COQ2: variants seen among roughly 807,000 people sequenced by gnomAD.
COQ2 encodes coenzyme Q2, polyprenyltransferase.
A neutral mutation model predicts 35.7 loss-of-function variants in COQ2; 25 were observed. The ratio of observed to expected loss-of-function variants is 0.70; its 90% confidence interval spans 0.51 to 0.98. The LOEUF (loss-of-function observed/expected upper bound fraction) is 0.98, where lower values mean the gene tolerates loss of function less well. Ranked by LOEUF, COQ2 falls within the 50% of genes least tolerant of loss-of-function variation. COQ2 has a pLI of 0.00. For missense variants in COQ2, 488 were observed against 473.5 expected, an observed-to-expected ratio of 1.03 and a Z score of -0.28; for synonymous variants, 206 against 186.2, an observed-to-expected ratio of 1.11 and a Z score of -0.86.
chr4:83,283,831 G>A, intron 1 of COQ2: 2 of 985,484 alleles, frequency 2.0e-6, no homozygotes, highest in Non-Finnish European at 2.4e-6. Context: ...GCGATAGAAA[G>A]TGAGGTTGGT....
chr4:83,283,231 G>C (rs906749124), intron 1 of COQ2: 1 of 980,248 alleles, frequency 1.0e-6, no homozygotes, highest in African/African-American at 1.8e-5. Flanking sequence ...GTCTTGTACG[G>C]GCAAAAGTGG....
intron 4 of COQ2, among the ~76,000 whole-genome samples, chr4:83,271,481 A>AT (rs1560493188): frequency 6.6e-6 from 1 of 151,996 alleles, no homozygotes; most frequent in South Asian, 2.1e-4. Context: ...TAGATCAAAC[A>AT]TTTTTTCATG....
intron 3 of COQ2, 24 bp downstream of exon 3, chr4:83,273,472 T>C (rs377272057): frequency 3.8e-4 from 599 of 1,595,302 alleles, no homozygotes; most frequent in Non-Finnish European, 4.6e-4. Flanking sequence ...ATTTTATACA[T>C]GATGTGGAAA....
chr4:83,270,017 G>A (rs778664698), intron 4 of COQ2, 24 bp from the exon 5 acceptor site: 1 of 1,612,510 alleles, frequency 6.2e-7, no homozygotes, highest in Non-Finnish European at 8.5e-7. Context: ...AACACAAAAA[G>A]GGGGAAAGTC....
intron 3 of COQ2, among the ~76,000 whole-genome samples, chr4:83,272,690 A>G (rs1289419623): frequency 6.6e-6 from 1 of 152,200 alleles, no homozygotes; most frequent in East Asian, 1.9e-4. Flanking sequence ...CTGTTTGCAA[A>G]CATTAAGGCA....
At chr4:83,273,660 C>A in intron 2 of COQ2, 43 bp from the exon 3 acceptor site, 1 of 1,586,298 alleles carries the variant, frequency 6.3e-7, no homozygotes, top group South Asian at 1.2e-5. Context: ...TGTAATGACT[C>A]AATCATTTAT....
intron 3 of COQ2, among the ~76,000 whole-genome samples, chr4:83,273,268 C>G (rs1172976733): frequency 1.3e-5 from 2 of 152,192 alleles, no homozygotes; most frequent in Non-Finnish European, 2.9e-5. Context: ...AGTACAAATA[C>G]TGAAGGTGGT....
At chr4:83,278,652 T>A (rs1284329911) in intron 2 of COQ2, among the ~76,000 whole-genome samples, 1 of 152,240 alleles carries the variant, frequency 6.6e-6, no homozygotes, top group Non-Finnish European at 1.5e-5. Context: ...AGGATGGATT[T>A]TTCACTTTCA....
rs11448409 is a variant in COQ2 at position 83,267,859 on chromosome 4, G to GT, written c.763-86dup. On this transcript the variant is annotated intron_variant, in intron 5 of 6. Transcript: ENST00000647002. ...CACATTTTGAAGTATCAGATTTAGT[G>GT]TTTTTTTGTATATTCACAAGGTTGT... is the stretch of plus-strand genomic sequence containing the variant. 0.72 allele frequency: 799,650 copies of GT among 1,111,540 alleles called. 291,101 individuals are homozygous for GT. The highest frequency in any genetic ancestry group is 0.85 in the East Asian group (31,261 of 36,958). The allele number at this position is 1,111,540 out of a possible 1,614,324, so 68.9% of individuals were successfully genotyped here. A position where few individuals can be genotyped will look rare whatever the true frequency, so the allele number is the denominator to read the frequency against.
chr4:83,267,881 T>C (rs1734961123), intron 5 of COQ2, 107 bp from the exon 6 acceptor site: 3 of 920,690 alleles, frequency 3.3e-6, no homozygotes, highest in Non-Finnish European at 4.8e-6. Context: ...ATTCACAAGG[T>C]TGTGCAACCA....
At chr4:83,264,387 G>A in intron 6 of COQ2, 24 bp from the exon 7 acceptor site, 2 of 1,573,172 alleles carry the variant, frequency 1.3e-6, no homozygotes, top group Non-Finnish European at 1.7e-6. Flanking sequence ...ATACAAAGTT[G>A]TATTAATACC....
chr4:83,267,866 T>TC (rs397745338), intron 5 of COQ2, 92 bp from the exon 6 acceptor site: 2 of 1,160,548 alleles, frequency 1.7e-6, no homozygotes, highest in Non-Finnish European at 2.4e-6. Context: ...AGTGTTTTTT[T>TC]GTATATTCAC....
intron 5 of COQ2, 28 bp from the exon 6 acceptor site, chr4:83,267,802 T>C: frequency 6.6e-7 from 1 of 1,508,754 alleles, no homozygotes; most frequent in Middle Eastern, 2.0e-4. Context: ...AATAAACTGT[T>C]TTTTGAGATT....
intron 5 of COQ2, 26 bp from the exon 6 acceptor site, chr4:83,267,800 GTT>G: frequency 6.6e-7 from 1 of 1,503,844 alleles, no homozygotes; most frequent in Non-Finnish European, 8.9e-7. Flanking sequence ...AAAATAAACT[GTT>G]TTTTGAGATT....
chr4:83,264,141 C>G lies in COQ2; in HGVS notation c.*58G>C. On this transcript the variant is annotated 3_prime_UTR_variant, in exon 7 of 7. Coordinates refer to ENST00000647002, the MANE Select transcript of COQ2 (RefSeq NM_001358921.2). ...AACATATTGTATCAGATTTTGTATT[C>G]AAATCTAATTATATTTTGTAAAAAA... is the stretch of plus-strand genomic sequence containing the variant. 1 of 894,298 alleles carries G rather than the reference C, an allele frequency of 1.1e-6. No individual in the cohort carries two copies. The allele number at this position is 894,298 out of a possible 1,614,324, so 55.4% of individuals were successfully genotyped here. A position where few individuals can be genotyped will look rare whatever the true frequency, so the allele number is the denominator to read the frequency against.
chr4:83,278,800 C>G, intron 2 of COQ2, 148 bp downstream of exon 2: 1 of 881,550 alleles, frequency 1.1e-6, no homozygotes, highest in Non-Finnish European at 1.6e-6. Flanking sequence ...GCAATACCAG[C>G]TATTCAACTG....
chr4:83,273,631 A>C lies in COQ2; in HGVS notation c.421-14T>G. 1 of 1,611,966 alleles carries C rather than the reference A, an allele frequency of 6.2e-7. No individual in the cohort carries two copies. Among genetic ancestry groups the C allele is most frequent in the Non-Finnish European group, 8.5e-7 (1 of 1,179,032 alleles). On this transcript the variant is annotated splice_polypyrimidine_tract_variant and intron_variant, in intron 2 of 6. Transcript: ENST00000647002. ...TGTTCTTGTAACCTTAAAACATAAAAACAGATACCTTAGCTTCATGTAATG... is the reference window on the plus strand; with the variant it reads ...TGTTCTTGTAACCTTAAAACATAAACACAGATACCTTAGCTTCATGTAATG...
intron 1 of COQ2, among the ~76,000 whole-genome samples, chr4:83,280,488 C>A (rs1577991463): frequency 2.0e-5 from 3 of 152,236 alleles, no homozygotes; most frequent in South Asian, 2.1e-4. Context: ...ATACTCTGTG[C>A]CAGAACTATG....
rs76792272 is a variant in COQ2, at chr4:83,282,086, A to G, written c.253+2426T>C. Among the ~76,000 whole-genome samples the G allele has an allele frequency of 6.7e-4, 102 of 152,338 alleles. 1 individual carries two copies. In the East Asian group the frequency reaches 0.015, roughly 22 times the overall value. ...AAAGAAATGTTTTTGTAGAAAAGGG[A>G]AAAACTCTATGGGAGATGAAATAAA... is the stretch of plus-strand genomic sequence containing the variant. On this transcript the variant is annotated intron_variant, in intron 1 of 6. Transcript: ENST00000647002.
Sources: allele counts gnomAD v4.1 joint callset (sites outside exome capture counted in the v4.1 genomes callset), GRCh38; gene constraint gnomAD v4.1.1; transcripts MANE v1.5; gene names NCBI Gene and HGNC (gene_info 2026-07-23, HGNC 2026-07-21).